The following WNK2 variants were observed in gnomAD, a reference collection of about 807,000 sequenced individuals.
The protein encoded by WNK2 is serine/threonine-protein kinase WNK2.
A neutral mutation model predicts 192.1 loss-of-function variants in WNK2; 67 were observed. That is an observed-to-expected ratio of 0.35 (90% confidence interval 0.29 to 0.43). WNK2 has a LOEUF of 0.43. Among genes scored for constraint, WNK2 ranks in the 20% least tolerant of loss-of-function variants. WNK2 has a pLI of 1.00. For synonymous variants in WNK2, 1,439 were observed against 1,393.9 expected (o/e 1.03, Z -0.72); for missense variants, 2,698 against 3,089.7 (o/e 0.87, Z 3.01).
At chr9:93,206,171 C>G (rs1833343174) in intron 2 of WNK2, among the ~76,000 whole-genome samples, 1 of 152,192 alleles carries the variant, frequency 6.6e-6, no homozygotes, top group Admixed American at 6.5e-5. Context: ...CTGCCAAGGC[C>G]CATGTGGACA....
chr9:93,280,332 G>A lies in WNK2; in HGVS notation c.4034-8456G>A, dbSNP rs116920170. ...ATTAATACCACAATGAGACACCACC[G>A]TACACTATTAAAATAACTAAACTTT... On this transcript the variant is annotated intron_variant, in intron 19 of 29. Transcript: ENST00000427277. Among the ~76,000 whole-genome samples the A allele has an allele frequency of 4.6e-5, 7 of 152,288 alleles. No homozygotes were observed. The South Asian group carries it at 6.2e-4, about 14-fold the overall frequency.
At chr9:93,198,927 C>T (rs1300064599) in intron 2 of WNK2, among the ~76,000 whole-genome samples, 3 of 152,194 alleles carry the variant, frequency 2.0e-5, no homozygotes, top group Non-Finnish European at 2.9e-5. Context: ...GAGCTCGGGG[C>T]CTCCTCGGGT....
chr9:93,184,697 C>G lies in WNK2; in HGVS notation c.-2-231C>G, dbSNP rs556511066. The stretch of plus-strand genomic sequence containing the variant: ...TTCCAGGGACACCACAGGCCCGTCC[C>G]TCTCCGCAGCCTGGGGCTGAGCAGG... On this transcript the variant is annotated intron_variant, in intron 1 of 29. Coordinates refer to ENST00000427277, the MANE Select transcript of WNK2 (RefSeq NM_006648.4). Among the ~76,000 whole-genome samples, 402 of 152,252 alleles carry G rather than the reference C, an allele frequency of 2.6e-3. 1 individual carries two copies. The highest frequency in any genetic ancestry group is 4.6e-3 in the Non-Finnish European group (312 of 67,976).
intron 2 of WNK2, among the ~76,000 whole-genome samples, chr9:93,228,716 C>T (rs1221592105): frequency 2.0e-5 from 3 of 152,148 alleles, no homozygotes; most frequent in African/African-American, 7.2e-5. Context: ...GTTGGAAGCA[C>T]ATGGAGCCTT....
At chr9:93,311,448 A>G (rs1053150756) in intron 28 of WNK2, among the ~76,000 whole-genome samples, 2 of 152,148 alleles carry the variant, frequency 1.3e-5, no homozygotes, top group Admixed American at 6.5e-5. Context: ...TTGGGTATAA[A>G]CCCAGAAGTG....
intron 2 of WNK2, among the ~76,000 whole-genome samples, chr9:93,212,682 G>A (rs369342792): frequency 6.6e-6 from 1 of 152,106 alleles, no homozygotes; most frequent in Non-Finnish European, 1.5e-5. Context: ...CGACATGCAG[G>A]GCTCATAGGA....
intron 12 of WNK2, among the ~76,000 whole-genome samples, chr9:93,260,889 T>A (rs2132928166): frequency 6.6e-6 from 1 of 152,302 alleles, no homozygotes; most frequent in Non-Finnish European, 1.5e-5. Flanking sequence ...GACCTTGCTG[T>A]CTGGGCTTTC....
chr9:93,263,290 G>A, intron 14 of WNK2: 2 of 525,582 alleles, frequency 3.8e-6, no homozygotes, highest in East Asian at 3.4e-5. Flanking sequence ...AGGCACAGGG[G>A]CTGATTCGCA....
At chr9:93,227,403 G>T (rs1008670592) in intron 2 of WNK2, among the ~76,000 whole-genome samples, 1 of 152,086 alleles carries the variant, frequency 6.6e-6, no homozygotes, top group South Asian at 2.1e-4. Context: ...GTGAGCCACC[G>T]CACCCGGCCG....
intron 23 of WNK2, among the ~76,000 whole-genome samples, chr9:93,293,620 T>A (rs1181195871): frequency 1.3e-5 from 2 of 152,120 alleles, no homozygotes; most frequent in African/African-American, 4.8e-5. Context: ...AGGCCCAGCA[T>A]CCCTGTGGTT....
Position 93,239,858 on chromosome 9 carries a change from C to A in WNK2, c.1424C>A (p.Ala475Asp). 6.2e-7 allele frequency: 1 copy of A among 1,602,704 alleles called. No homozygotes were observed. The highest frequency in any genetic ancestry group is 2.3e-5 in the East Asian group (1 of 44,288). ...GACCACGGCAGGAAGTCCACCATCG[C>A]CCTGAGGCTCTGGGTGGAAGACCCC... ...EEDHGRKSTI[A>D]LRLWVEDPKK... The change falls in exon 7 of 30, where the codon GCC becomes GAC. Residue 475 changes from alanine to aspartate, a missense_variant. By Grantham distance (126) the Ala-to-Asp change is moderately radical. Around this residue, in one of 7 missense-constraint regions of WNK2, gnomAD observed 230 missense variants for 501.1 expected, o/e 0.46. Transcript: ENST00000427277. The surrounding 1 kb of genome is among the most constrained non-coding windows in gnomAD (Gnocchi z 4.2).
intron 2 of WNK2, among the ~76,000 whole-genome samples, chr9:93,207,207 G>A (rs1434743272): frequency 6.6e-6 from 1 of 152,186 alleles, no homozygotes; most frequent in Non-Finnish European, 1.5e-5. Flanking sequence ...AGTAGAGGAT[G>A]CCTGACAAAC....
At chr9:93,274,866 C>T (rs369552915) in intron 19 of WNK2, among the ~76,000 whole-genome samples, 1 of 152,152 alleles carries the variant, frequency 6.6e-6, no homozygotes, top group East Asian at 1.9e-4. Context: ...ACACCAATAC[C>T]ACTTCCACAA....
At chr9:93,216,963 AATC>A (rs528967678) in intron 2 of WNK2, among the ~76,000 whole-genome samples, 100 of 148,778 alleles carry the variant, frequency 6.7e-4, no homozygotes, top group African/African-American at 2.3e-3. Flanking sequence ...GATTCAAAAA[AATC>A]TTTTTTTTTT....
chr9:93,292,852 C>T lies in WNK2; in HGVS notation c.5387C>T (p.Ser1796Phe), dbSNP rs1480502923. The change falls in exon 23 of 30, where the codon TCC becomes TTC. Residue 1796 changes from serine (S) to phenylalanine (F), a missense_variant. Transcript: ENST00000427277. ...LAVRRAQTAS[S>F]IEVGVGEPVS... is the part of the protein sequence containing the mutation. ...GTGCGGCGGGCGCAGACGGCCTCCT[C>T]CATCGAGGTCGGCGTGGGCGAGCCC... is the stretch of plus-strand genomic sequence containing the variant. The T allele has an allele frequency of 2.7e-6, 4 of 1,493,554 alleles. No homozygotes were observed. Among genetic ancestry groups the T allele is most frequent in the Non-Finnish European group, 3.6e-6 (4 of 1,120,344 alleles). The allele number at this position is 1,493,554 out of a possible 1,614,324, so 92.5% of individuals were successfully genotyped here.
At chr9:93,184,563 C>T (rs1389573197) in intron 1 of WNK2, among the ~76,000 whole-genome samples, 178 bp downstream of exon 1, 2 of 152,160 alleles carry the variant, frequency 1.3e-5, no homozygotes, top group Non-Finnish European at 2.9e-5. Flanking sequence ...CAGCTGCCTC[C>T]GGGACAGCCT....
Position 93,292,524 on chromosome 9 carries a change from G to A in WNK2, c.5059G>A (p.Glu1687Lys). The change falls in exon 23 of 30, where the codon GAG becomes AAG. Residue 1687 changes from glutamate (E) to lysine (K), a missense_variant. By Grantham distance (56) the Glu-to-Lys change is moderately conservative (BLOSUM62 1). Coordinates refer to ENST00000427277, the MANE Select transcript of WNK2 (RefSeq NM_006648.4). ...VPAFVRPARV[E>K]PTDRDGGEAG... ...TGCTTTTGTGAGACCTGCACGTGTG[G>A]AGCCCACAGACAGGGATGGTGGAGA... 1 of 1,584,322 alleles carries A rather than the reference G, an allele frequency of 6.3e-7. No individual in the cohort carries two copies. Among genetic ancestry groups the A allele is most frequent in the Admixed American group, 1.7e-5 (1 of 57,854 alleles).
intron 19 of WNK2, among the ~76,000 whole-genome samples, chr9:93,287,211 T>C (rs1269665787): frequency 1.3e-5 from 2 of 152,182 alleles, no homozygotes; most frequent in African/African-American, 2.4e-5. Context: ...TAAGACGCCA[T>C]CACACAGCCC....
At chr9:93,237,191 C>T (rs1264826219) in intron 5 of WNK2, among the ~76,000 whole-genome samples, 1 of 152,190 alleles carries the variant, frequency 6.6e-6, no homozygotes, top group Non-Finnish European at 1.5e-5. Flanking sequence ...GGCTTTATCT[C>T]GCTTCATCTA....
Sources: gnomAD v4.1 joint callset for allele counts (sites outside exome capture counted in the v4.1 genomes callset) on GRCh38, gnomAD v4.1.1 for gene constraint, gnomAD v4.1.1 regional missense constraint, Gnocchi (gnomAD v3.1) non-coding constraint, MANE v1.5 for transcripts, NCBI Gene and HGNC (gene_info 2026-07-23, HGNC 2026-07-21) for gene names.